The following LSAMP variants were observed in gnomAD, a reference collection of about 807,000 sequenced individuals.
LSAMP encodes limbic system-associated membrane protein.
In LSAMP, 7 loss-of-function variants were observed where a neutral mutation model predicts 38.6. The ratio of observed to expected loss-of-function variants is 0.18; its 90% CI spans 0.10 to 0.34. The LOEUF is 0.34. Ranked by LOEUF, LSAMP falls within the 10% of genes least tolerant of loss-of-function variation. The pLI is 1.00. For missense variants in LSAMP, 313 were observed against 420.0 expected (o/e 0.75, Z 2.23); for synonymous variants, 154 against 166.8 (o/e 0.92, Z 0.59).
chr3:115,934,521 A>C (rs1289678472), intron 3 of LSAMP, among the ~76,000 whole-genome samples: 1 of 152,146 alleles, frequency 6.6e-6, no homozygotes, highest in Non-Finnish European at 1.5e-5. Flanking sequence ...GGCTGAAGAA[A>C]AATCTTATGT....
intron 3 of LSAMP, among the ~76,000 whole-genome samples, chr3:115,948,421 A>G (rs751699901): frequency 5.3e-5 from 8 of 152,200 alleles, no homozygotes; most frequent in Non-Finnish European, 1.2e-4. Context: ...ATGAAATCAT[A>G]TCAAGTATCC....
At chr3:116,352,227 A>C (rs2048150993) in intron 1 of LSAMP, among the ~76,000 whole-genome samples, 1 of 152,098 alleles carries the variant, frequency 6.6e-6, no homozygotes, top group Admixed American at 6.6e-5. Context: ...CACTCCACGA[A>C]TACCTGATCA....
At chr3:116,155,462 A>C (rs1421858903) in intron 1 of LSAMP, among the ~76,000 whole-genome samples, 2 of 152,046 alleles carry the variant, frequency 1.3e-5, no homozygotes, top group Admixed American at 6.6e-5. Context: ...TCCTGACTTC[A>C]GGTGATCCAC....
At chr3:116,264,176 T>G (rs1316228158) in intron 1 of LSAMP, among the ~76,000 whole-genome samples, 1 of 152,144 alleles carries the variant, frequency 6.6e-6, no homozygotes, top group African/African-American at 2.4e-5. Flanking sequence ...AAAGACAGTA[T>G]GTTCTGGTAT....
At chr3:116,170,594 C>A (rs552086385) in intron 1 of LSAMP, among the ~76,000 whole-genome samples, 1 of 151,896 alleles carries the variant, frequency 6.6e-6, no homozygotes, top group African/African-American at 2.4e-5. Context: ...ACGATTGTGG[C>A]GAATTAGTTA....
At chr3:116,196,852 T>A (rs1710893520) in intron 1 of LSAMP, among the ~76,000 whole-genome samples, 1 of 152,146 alleles carries the variant, frequency 6.6e-6, no homozygotes. Context: ...TCATTCAGGA[T>A]CTCACATCCT....
At chr3:116,392,346 C>T (rs981338496) in intron 1 of LSAMP, among the ~76,000 whole-genome samples, 5 of 152,210 alleles carry the variant, frequency 3.3e-5, no homozygotes, top group Non-Finnish European at 7.3e-5. Flanking sequence ...CTCCCACTGC[C>T]TGGCTTCTCC....
intron 4 of LSAMP, among the ~76,000 whole-genome samples, chr3:115,846,643 A>G (rs2918216): frequency 0.35 from 52,958 of 151,982 alleles, 9,651 homozygotes; most frequent in Admixed American, 0.45. Context: ...AGTACTTGAC[A>G]GACCATGGAT....
intron 2 of LSAMP, among the ~76,000 whole-genome samples, chr3:116,052,171 T>C (rs1057368529): frequency 2.0e-5 from 3 of 152,048 alleles, no homozygotes; most frequent in Non-Finnish European, 2.9e-5. Context: ...TGATAGATGA[T>C]GATCATGAAT....
intron 3 of LSAMP, among the ~76,000 whole-genome samples, chr3:115,933,087 A>C (rs1175047944): frequency 6.6e-6 from 1 of 152,222 alleles, no homozygotes; most frequent in Non-Finnish European, 1.5e-5. Context: ...GGAAGGTCGG[A>C]GCATAGACCT....
At chr3:115,939,785 C>G (rs1320682604) in intron 3 of LSAMP, among the ~76,000 whole-genome samples, 2 of 152,002 alleles carry the variant, frequency 1.3e-5, no homozygotes, top group Admixed American at 1.3e-4. Context: ...GTCTTGAACT[C>G]CTGGGCTCAA....
chr3:115,956,947 C>G (rs999539144), intron 3 of LSAMP, among the ~76,000 whole-genome samples: 1 of 152,150 alleles, frequency 6.6e-6, no homozygotes, highest in Non-Finnish European at 1.5e-5. Context: ...CTTCAAGAAC[C>G]TGAAATCTAG....
intron 1 of LSAMP, among the ~76,000 whole-genome samples, chr3:116,265,122 G>C (rs76689349): frequency 0.013 from 1,959 of 152,048 alleles, 38 homozygotes; most frequent in African/African-American, 0.043. Context: ...GATTTTGAAG[G>C]GTTTTAGGAG....
chr3:116,035,157 C>T (rs564554085), intron 2 of LSAMP, among the ~76,000 whole-genome samples: 24 of 152,220 alleles, frequency 1.6e-4, no homozygotes, highest in Admixed American at 9.8e-4. Flanking sequence ...TCTTAAAACA[C>T]TGTAAAAAAG....
intron 3 of LSAMP, among the ~76,000 whole-genome samples, chr3:115,866,963 A>G (rs1935878918): frequency 6.6e-6 from 1 of 152,028 alleles, no homozygotes; most frequent in South Asian, 2.1e-4. Context: ...ACTTGTGGGA[A>G]TAGGTTCTGT....
At chr3:116,091,738 G>C (rs1708128544) in intron 1 of LSAMP, among the ~76,000 whole-genome samples, 1 of 152,158 alleles carries the variant, frequency 6.6e-6, no homozygotes, top group Non-Finnish European at 1.5e-5. Flanking sequence ...TGTTTTAATA[G>C]AATGTTGTCT....
intron 1 of LSAMP, among the ~76,000 whole-genome samples, chr3:116,112,909 G>A (rs572420629): frequency 2.6e-5 from 4 of 152,082 alleles, no homozygotes; most frequent in Non-Finnish European, 5.9e-5. Flanking sequence ...GCTCTGACAG[G>A]AGATTGCAAA....
intron 1 of LSAMP, among the ~76,000 whole-genome samples, chr3:116,312,701 G>C (rs556425196): frequency 1.3e-5 from 2 of 152,110 alleles, no homozygotes; most frequent in African/African-American, 4.8e-5. Context: ...CACGCTATGG[G>C]ATGTCTCTCA....
chr3:116,012,244 ATAATG>A (rs1184385060), intron 3 of LSAMP, among the ~76,000 whole-genome samples: 7 of 150,742 alleles, frequency 4.6e-5, no homozygotes, highest in Non-Finnish European at 1.0e-4. Context: ...TGAAGAAACT[ATAATG>A]TAGTATTTGT....
Sources: allele counts gnomAD v4.1 joint callset (sites outside exome capture counted in the v4.1 genomes callset), GRCh38; gene constraint gnomAD v4.1.1; transcripts MANE v1.5; gene names NCBI Gene and HGNC (gene_info 2026-07-23, HGNC 2026-07-21).